Variants in PPP1R12A observed in about 807,000 individuals in gnomAD.
PPP1R12A encodes the protein myosin binding subunit.
In PPP1R12A, 19 loss-of-function variants were observed where a neutral mutation model predicts 139.6. The ratio of observed to expected loss-of-function variants is 0.14; its 90% CI spans 0.09 to 0.20. The LOEUF (loss-of-function observed/expected upper bound fraction) is 0.20, where lower values mean the gene tolerates loss of function less well. Ranked by LOEUF, PPP1R12A falls within the 10% of genes least tolerant of loss-of-function variation. The probability of loss-of-function intolerance (pLI) is 1.00; values close to 1 mark genes in which losing one functional copy is unlikely to be tolerated. For synonymous variants in PPP1R12A, 427 were observed against 420.6 expected, an observed-to-expected ratio of 1.02 and a Z score of -0.19; for missense variants, 925 against 1,211.5, an observed-to-expected ratio of 0.76 and a Z score of 3.51.
intron 1 of PPP1R12A, among the ~76,000 whole-genome samples, chr12:79,921,762 C>A (rs1486016328): frequency 2.6e-5 from 4 of 152,188 alleles, no homozygotes; most frequent in Non-Finnish European, 4.4e-5. Context: ...AAATGAATAA[C>A]AGCATCATAT....
chr12:79,822,884 C>A (rs1191365268), intron 5 of PPP1R12A, among the ~76,000 whole-genome samples: 1 of 150,564 alleles, frequency 6.6e-6, no homozygotes, highest in Non-Finnish European at 1.5e-5. Flanking sequence ...TGTGTGGACA[C>A]CTGTTTTCAT....
intron 1 of PPP1R12A, among the ~76,000 whole-genome samples, chr12:79,888,615 A>T (rs1884324244): frequency 7.3e-6 from 1 of 136,568 alleles, no homozygotes; most frequent in South Asian, 2.1e-4. Flanking sequence ...GGCAGAGTGA[A>T]GCCACATTTT....
Position 79,775,732 on chromosome 12 carries a change from A to G in PPP1R12A, c.*197T>C. 2.5e-6 allele frequency: 1 copy of G among 398,088 alleles called. No individual in the cohort carries two copies. Among genetic ancestry groups the G allele is most frequent in the Non-Finnish European group, 4.5e-6 (1 of 224,388 alleles). The allele number at this position is 398,088 out of a possible 1,614,324, so 24.7% of individuals were successfully genotyped here. A position where few individuals can be genotyped will look rare whatever the true frequency, so the allele number is the denominator to read the frequency against. ...TGGTCTTGATTAAAAAAAAAAAACA[A>G]AAAACAAACCAACAACAACAAAAAC... is the stretch of plus-strand genomic sequence containing the variant. On this transcript the variant is annotated 3_prime_UTR_variant, in exon 25 of 25. Coordinates refer to ENST00000450142, the MANE Select transcript of PPP1R12A (RefSeq NM_002480.3).
At chr12:79,807,871 T>C (rs1177524202) in intron 11 of PPP1R12A, among the ~76,000 whole-genome samples, 1 of 151,670 alleles carries the variant, frequency 6.6e-6, no homozygotes, top group Admixed American at 6.6e-5. Flanking sequence ...ACCCTGTCTC[T>C]ACTAAAAATA....
In PPP1R12A at chr12:79,781,866, C is replaced by A; in HGVS notation, c.2908-4G>T. 1 of 1,533,952 alleles carries A rather than the reference C, an allele frequency of 6.5e-7. No homozygotes were observed. Among genetic ancestry groups the A allele is most frequent in the Non-Finnish European group, 8.8e-7 (1 of 1,134,578 alleles). ...TATCAGCAAATCTTTCTTGTCTCTG[C>A]AACAAAGTAAGAAATTATAAAAGAG... On this transcript the variant is annotated splice_polypyrimidine_tract_variant and splice_region_variant and intron_variant, in intron 22 of 24. Coordinates refer to ENST00000450142, the MANE Select transcript of PPP1R12A (RefSeq NM_002480.3).
chr12:79,911,095 A>G (rs1475508136), intron 1 of PPP1R12A, among the ~76,000 whole-genome samples: 3 of 152,148 alleles, frequency 2.0e-5, no homozygotes, highest in Non-Finnish European at 4.4e-5. Context: ...CTACCAAATT[A>G]ATCTTTCTGC....
Position 79,820,897 on chromosome 12 carries a change from C to T in PPP1R12A, c.991G>A (p.Ala331Thr). The stretch of plus-strand genomic sequence containing the variant: ...TGTTCCAGAGATTCAATACGGGATG[C>T]ATTTTTCTCTGGTTCAATAATCAAC... The part of the protein sequence containing the change: ...ETLIIEPEKN[A>T]SRIESLEQEK... Residue 331 changes from alanine (A) to threonine (T), a missense_variant, in exon 8 of 25, where the codon GCA (alanine) becomes ACA (threonine). By Grantham distance (58) the Ala-to-Thr change is moderately conservative (BLOSUM62 0). This residue lies in a region of PPP1R12A where 403 missense variants were observed against 463.7 expected (regional missense o/e 0.87). Transcript: ENST00000450142. 6.2e-7 allele frequency: 1 copy of T among 1,613,534 alleles called. No individual in the cohort carries two copies. Among genetic ancestry groups the T allele is most frequent in the Non-Finnish European group, 8.5e-7 (1 of 1,179,768 alleles).
intron 2 of PPP1R12A, among the ~76,000 whole-genome samples, chr12:79,867,400 T>A (rs1470802264): frequency 1.3e-5 from 2 of 152,116 alleles, no homozygotes; most frequent in Non-Finnish European, 2.9e-5. Context: ...CACACCATCA[T>A]GGCATCTGTA....
At position 79,778,591 on chromosome 12, in the gene PPP1R12A, C is replaced by A; in HGVS notation, c.2965G>T (p.Ala989Ser). The A allele has an allele frequency of 6.5e-7, 1 of 1,528,478 alleles. No individual in the cohort carries two copies. Among genetic ancestry groups the A allele is most frequent in the Non-Finnish European group, 8.8e-7 (1 of 1,133,050 alleles). 94.7% of individuals were successfully genotyped at this position (1,528,478 alleles called of 1,614,324 possible). ...LLEMEKRERR[A>S]LERRISEMEE... ...ATTTCAGATATTCTTCTTTCTAGAGCTCTTCGTTCCTAGATCGATTTAAGG... is the reference window on the plus strand; with the variant it reads ...ATTTCAGATATTCTTCTTTCTAGAGATCTTCGTTCCTAGATCGATTTAAGG... The change falls in exon 24 of 25, where the codon GCT becomes TCT. Residue 989 changes from alanine to serine, a missense_variant. Physicochemically the swap from Ala to Ser is moderately conservative, Grantham distance 99. Coordinates refer to ENST00000450142, the MANE Select transcript of PPP1R12A (RefSeq NM_002480.3).
chr12:79,908,038 T>G (rs1886269243), intron 1 of PPP1R12A, among the ~76,000 whole-genome samples: 1 of 152,212 alleles, frequency 6.6e-6, no homozygotes, highest in South Asian at 2.1e-4. Context: ...GACGGCTTGC[T>G]ACATACACTA....
intron 1 of PPP1R12A, among the ~76,000 whole-genome samples, chr12:79,917,277 G>A (rs57169633): frequency 0.083 from 12,619 of 151,858 alleles, 1,346 homozygotes; most frequent in African/African-American, 0.25. Context: ...ACGAGGTCAC[G>A]AGATCGAGAC....
rs1265277230 is a variant in PPP1R12A, at chr12:79,787,210, T to G, written c.2803-732A>C. The G allele has an allele frequency of 2.6e-5, 4 of 152,162 alleles. No individual in the cohort carries two copies. In the East Asian group the frequency reaches 7.7e-4, roughly 29 times the overall value. 9.4% of individuals were successfully genotyped at this position (152,162 alleles called of 1,614,324 possible). A position where few individuals can be genotyped will look rare whatever the true frequency, so the allele number is the denominator to read the frequency against. ...CAACCATTCCATTTCCACCCACAAATTAAAAACTCTTGAATGGCTTCCCAG... is the reference window on the plus strand; with the variant it reads ...CAACCATTCCATTTCCACCCACAAAGTAAAAACTCTTGAATGGCTTCCCAG... On this transcript the variant is annotated intron_variant, in intron 21 of 24. Transcript: ENST00000450142.
intron 13 of PPP1R12A, 44 bp from the exon 14 acceptor site, chr12:79,805,812 C>A (rs772634767): frequency 6.5e-7 from 1 of 1,548,316 alleles, no homozygotes. Flanking sequence ...AAAAGGAAAA[C>A]AGCTAAACAA....
chr12:79,820,448 A>C (rs1875960458), intron 8 of PPP1R12A, among the ~76,000 whole-genome samples: 1 of 152,152 alleles, frequency 6.6e-6, no homozygotes, highest in South Asian at 2.1e-4. Context: ...GGACGTTTGG[A>C]CCTCAGAAGG....
chr12:79,793,663 C>T, intron 19 of PPP1R12A, 200 bp downstream of exon 19: 1 of 476,338 alleles, frequency 2.1e-6, no homozygotes, highest in Non-Finnish European at 3.6e-6. Flanking sequence ...AGAACATTTT[C>T]ATCACCTCCA....
At chr12:79,799,782 GGCTGATT>G (rs1173135705) in intron 14 of PPP1R12A, among the ~76,000 whole-genome samples, 5 of 152,068 alleles carry the variant, frequency 3.3e-5, no homozygotes, top group African/African-American at 1.2e-4. Context: ...GGCTGAAGCA[GGCTGATT>G]GCTTGAGCCC....
At chr12:79,853,441 C>T (rs746094809) in intron 2 of PPP1R12A, among the ~76,000 whole-genome samples, 18 of 152,232 alleles carry the variant, frequency 1.2e-4, no homozygotes, top group African/African-American at 1.2e-4. Flanking sequence ...TTGTGTTTTA[C>T]GTATAATATT....
chr12:79,784,465 G>C (rs1293881566), intron 22 of PPP1R12A, among the ~76,000 whole-genome samples: 1 of 152,102 alleles, frequency 6.6e-6, no homozygotes, highest in Non-Finnish European at 1.5e-5. Flanking sequence ...GTAGTAACAG[G>C]CTAATTCTAT....
At chr12:79,817,284 T>G in intron 9 of PPP1R12A, 110 bp downstream of exon 9, 1 of 954,242 alleles carries the variant, frequency 1.0e-6, no homozygotes, top group South Asian at 2.0e-5. Flanking sequence ...TTCTGAAATC[T>G]TACATATTTT....
Sources: allele counts gnomAD v4.1 joint callset (sites outside exome capture counted in the v4.1 genomes callset), GRCh38; gene constraint gnomAD v4.1.1; regional missense constraint gnomAD v4.1.1; transcripts MANE v1.5; gene names NCBI Gene and HGNC (gene_info 2026-07-23, HGNC 2026-07-21).